INCENP: variants seen among roughly 807,000 people sequenced by gnomAD.
INCENP encodes the protein binds and activates aurora-B and -C in vivo and in vitro.
Under a neutral mutation model 107.3 loss-of-function variants are expected in INCENP, and 43 were observed. The ratio of observed to expected loss-of-function variants is 0.40; its 90% CI spans 0.31 to 0.52. INCENP has a LOEUF of 0.52. Ranked by LOEUF, INCENP falls within the 20% of genes least tolerant of loss-of-function variation. INCENP has a pLI of 0.53. For missense variants in INCENP, 1,089 were observed against 1,250.9 expected (o/e 0.87, Z 1.95); for synonymous variants, 488 against 494.4 (o/e 0.99, Z 0.17).
chr11:62,129,772 C>T lies in INCENP; in HGVS notation c.255-10C>T. 6.3e-7 allele frequency: 1 copy of T among 1,597,028 alleles called. No homozygotes were observed. Among genetic ancestry groups the T allele is most frequent in the Non-Finnish European group, 8.5e-7 (1 of 1,174,738 alleles). ...GCCCGTCTCAGCCTCTGCCCTGCTG[C>T]CCCTGCCAGGTTATCCCGCAGAAAG... On this transcript the variant is annotated splice_polypyrimidine_tract_variant and intron_variant, in intron 3 of 18. Transcript: ENST00000394818.
At position 62,130,479 on chromosome 11, in the gene INCENP, T is replaced by C. The variant is rs1280200217; in HGVS notation, c.952T>C (p.Leu318=). Residue 318 remains leucine, a synonymous_variant, in exon 4 of 19, where the codon TTA becomes CTA. Coordinates refer to ENST00000394818, the MANE Select transcript of INCENP (RefSeq NM_001040694.2). ...CCCGTCTTCCCCGAGTCCCCAAGTCTTAGCCCAGAAGTACTCTCTGGTGGC... is the reference window on the plus strand; with the variant it reads ...CCCGTCTTCCCCGAGTCCCCAAGTCCTAGCCCAGAAGTACTCTCTGGTGGC... ...IAPSSPSPQV[L]AQKYSLVAKQ... is the part of the protein sequence containing the mutation. The C allele has an allele frequency of 6.2e-7, 1 of 1,613,994 alleles. No individual in the cohort carries two copies. Among genetic ancestry groups the C allele is most frequent in the Non-Finnish European group, 8.5e-7 (1 of 1,180,032 alleles).
In INCENP at chr11:62,140,230, A is replaced by T; in HGVS notation, c.1292-4A>T. ...CAGCCTTGCTGAAATTGCTGTCTTC[A>T]CAGAGGCCAAGACGGACCAAGCAGA... On this transcript the variant is annotated splice_polypyrimidine_tract_variant and splice_region_variant and intron_variant, in intron 7 of 18. Coordinates refer to ENST00000394818, the MANE Select transcript of INCENP (RefSeq NM_001040694.2). 1 of 1,613,230 alleles carries T rather than the reference A, an allele frequency of 6.2e-7. No homozygotes were observed. Among genetic ancestry groups the T allele is most frequent in the Non-Finnish European group, 8.5e-7 (1 of 1,179,642 alleles).
chr11:62,127,706 A>G (rs1256469018), intron 1 of INCENP, among the ~76,000 whole-genome samples: 2 of 152,148 alleles, frequency 1.3e-5, no homozygotes, highest in Admixed American at 6.5e-5. Flanking sequence ...TCACTTAACC[A>G]TGAGTAGTAA....
rs147033848 is a variant in INCENP at position 62,129,924 on chromosome 11, G to A, written c.397G>A (p.Ala133Thr). The A allele has an allele frequency of 1.7e-4, 269 of 1,613,892 alleles. No individual in the cohort carries two copies. The highest frequency in any genetic ancestry group is 6.5e-4 in the African/African-American group (49 of 75,046). ...RVTRAAAAAAAATMALAAPSS... is the reference protein window; with the variant it reads ...RVTRAAAAAATATMALAAPSS... The stretch of plus-strand genomic sequence containing the variant: ...GACCCGTGCTGCGGCTGCAGCTGCC[G>A]CGGCTACCATGGCATTGGCTGCACC... The change falls in exon 4 of 19, where the codon GCG becomes ACG. Residue 133 changes from alanine to threonine, a missense_variant. Transcript: ENST00000394818.
intron 11 of INCENP, among the ~76,000 whole-genome samples, chr11:62,142,758 G>A (rs554599402): frequency 3.5e-4 from 54 of 152,340 alleles, no homozygotes; most frequent in African/African-American, 1.2e-3. Context: ...GACTTTTCCC[G>A]GGTGTGTGCC....
chr11:62,133,060 G>A (rs901838207), intron 4 of INCENP, among the ~76,000 whole-genome samples: 1 of 152,148 alleles, frequency 6.6e-6, no homozygotes, highest in Non-Finnish European at 1.5e-5. Flanking sequence ...GTGAGGAGCT[G>A]CAAGGGTGTC....
At chr11:62,135,492 G>T (rs1042352017) in intron 4 of INCENP, among the ~76,000 whole-genome samples, 1 of 152,076 alleles carries the variant, frequency 6.6e-6, no homozygotes. Flanking sequence ...TCAAACTCCT[G>T]ACCTCAAATC....
At chr11:62,148,895 CTA>C in intron 17 of INCENP, 49 bp downstream of exon 17, 2 of 1,212,826 alleles carry the variant, frequency 1.6e-6, no homozygotes, top group Non-Finnish European at 2.4e-6. Flanking sequence ...GGGGCCCACT[CTA>C]TTCTCTTCCC....
intron 4 of INCENP, among the ~76,000 whole-genome samples, chr11:62,136,696 T>A (rs1370185846): frequency 2.0e-5 from 3 of 151,690 alleles, no homozygotes; most frequent in Non-Finnish European, 2.9e-5. Flanking sequence ...AGAAAAAAAA[T>A]TAGTACTTTT....
chr11:62,128,203 A>C lies in INCENP; in HGVS notation c.42A>C (p.Leu14=). The part of the protein sequence containing the change: ...TAPGPIHLLE[L]CDQKLMEFLC... Reference sequence around the variant, plus strand: ...CAGGGCCCATTCACCTGCTGGAGCTATGTGACCAGAAGCTCATGGAGTTTC... The same window carrying C: ...CAGGGCCCATTCACCTGCTGGAGCTCTGTGACCAGAAGCTCATGGAGTTTC... The change falls in exon 2 of 19, where the codon CTA becomes CTC. Residue 14 remains leucine (L), a synonymous_variant. Coordinates refer to ENST00000394818, the MANE Select transcript of INCENP (RefSeq NM_001040694.2). 1 of 1,614,172 alleles carries C rather than the reference A, an allele frequency of 6.2e-7. No homozygotes were observed. The highest frequency in any genetic ancestry group is 8.5e-7 in the Non-Finnish European group (1 of 1,180,010).
intron 11 of INCENP, among the ~76,000 whole-genome samples, chr11:62,142,537 G>T (rs538509939): frequency 6.6e-6 from 1 of 152,364 alleles, no homozygotes; most frequent in South Asian, 2.1e-4. Flanking sequence ...TAGGAGACCA[G>T]GGGGCTACGG....
rs867098509 is a variant in INCENP at position 62,138,578 on chromosome 11, G to C, written c.1116-135G>C. 27 of 692,068 alleles carry C rather than the reference G, an allele frequency of 3.9e-5. No homozygotes were observed. The South Asian group carries it at 4.2e-4, about 11-fold the overall frequency. The allele number at this position is 692,068 out of a possible 1,614,324, so 42.9% of individuals were successfully genotyped here. ...CCATCCTCCTATCCTACAGGGGGCT[G>C]TGGGTTCGTGGCCCTGGCCAGGGCA... On this transcript the variant is annotated intron_variant, in intron 5 of 18. Transcript: ENST00000394818.
intron 4 of INCENP, among the ~76,000 whole-genome samples, chr11:62,133,148 A>C (rs777181666): frequency 2.2e-4 from 33 of 152,160 alleles, no homozygotes; most frequent in Non-Finnish European, 4.1e-4. Flanking sequence ...GCTCTCGGGC[A>C]GCTCCAAGGT....
intron 18 of INCENP, among the ~76,000 whole-genome samples, chr11:62,151,458 A>T (rs1182872976): frequency 6.6e-6 from 1 of 152,216 alleles, no homozygotes; most frequent in Non-Finnish European, 1.5e-5. Context: ...CTTTGGGCAA[A>T]TCTGCTGAAT....
rs1407142790 is a variant in INCENP at position 62,140,220 on chromosome 11, T to A, written c.1292-14T>A. ...ATCGTTTCTGCAGCCTTGCTGAAAT[T>A]GCTGTCTTCACAGAGGCCAAGACGG... On this transcript the variant is annotated splice_polypyrimidine_tract_variant and intron_variant, in intron 7 of 18. Transcript: ENST00000394818. The A allele has an allele frequency of 6.2e-7, 1 of 1,612,754 alleles. No individual in the cohort carries two copies. The highest frequency in any genetic ancestry group is 1.3e-5 in the African/African-American group (1 of 74,814).
intron 11 of INCENP, 53 bp from the exon 12 acceptor site, chr11:62,144,929 G>A (rs1404644558): frequency 1.3e-6 from 2 of 1,507,808 alleles, no homozygotes; most frequent in African/African-American, 1.4e-5. Flanking sequence ...TTGGGGCTGG[G>A]TGGGGGGTCG....
chr11:62,139,027 T>C lies in INCENP; in HGVS notation c.1291+22T>C, dbSNP rs756111089. The C allele has an allele frequency of 2.6e-6, 4 of 1,549,022 alleles. No homozygotes were observed. The Admixed American group carries it at 5.0e-5, about 19-fold the overall frequency. On this transcript the variant is annotated intron_variant, in intron 7 of 18. Transcript: ENST00000394818. ...CAAGGTGAGGCTTCCTGACCTGCCG[T>C]GTGCAGTGCCCGGAGCCACAGCGGG...
Position 62,128,307 on chromosome 11 carries a change from G to T in INCENP, c.140+6G>T. 3 of 1,614,060 alleles carry T rather than the reference G, an allele frequency of 1.9e-6. No homozygotes were observed. Among genetic ancestry groups the T allele is most frequent in the Non-Finnish European group, 2.5e-6 (3 of 1,180,020 alleles). On this transcript the variant is annotated splice_donor_region_variant and intron_variant, in intron 2 of 18. Coordinates refer to ENST00000394818, the MANE Select transcript of INCENP (RefSeq NM_001040694.2). Reference sequence around the variant, plus strand: ...GCCGAGCGCATGTTCACCAGGTGAAGACGGGCACAGTGAGAGGCTGGGAAC... The same window carrying T: ...GCCGAGCGCATGTTCACCAGGTGAATACGGGCACAGTGAGAGGCTGGGAAC...
chr11:62,145,988 A>G (rs954328353), intron 14 of INCENP, among the ~76,000 whole-genome samples: 3 of 152,228 alleles, frequency 2.0e-5, no homozygotes, highest in Admixed American at 2.0e-4. Flanking sequence ...CAGACTGCCT[A>G]TCTCAGCTCT....
Sources: allele counts gnomAD v4.1 joint callset (sites outside exome capture counted in the v4.1 genomes callset), GRCh38; gene constraint gnomAD v4.1.1; transcripts MANE v1.5; gene names NCBI Gene and HGNC (gene_info 2026-07-23, HGNC 2026-07-21).